Variants in ARHGEF3 observed in about 807,000 individuals in gnomAD.
ARHGEF3 encodes Rho guanine nucleotide exchange factor 3.
In ARHGEF3, 28 loss-of-function variants were observed where a neutral mutation model predicts 63.2. The observed-to-expected ratio is 0.44, with a 90% CI of 0.33 to 0.61. ARHGEF3 has a LOEUF of 0.61. ARHGEF3 is among the 20% of genes least tolerant of loss of function. The probability of loss-of-function intolerance (pLI) is 0.03; values close to 1 mark genes in which losing one functional copy is unlikely to be tolerated. For missense variants in ARHGEF3, 533 were observed against 659.3 expected, an observed-to-expected ratio of 0.81 and a Z score of 2.10; for synonymous variants, 266 against 254.2, an observed-to-expected ratio of 1.05 and a Z score of -0.44.
chr3:56,947,195 G>A (rs371745821), intron 3 of ARHGEF3, among the ~76,000 whole-genome samples: 4 of 152,262 alleles, frequency 2.6e-5, no homozygotes, highest in East Asian at 1.9e-4. Flanking sequence ...AAAGACCATC[G>A]AGGCTAGGAA....
At chr3:56,752,124 T>C (rs2034800508) in intron 4 of ARHGEF3, among the ~76,000 whole-genome samples, 1 of 152,028 alleles carries the variant, frequency 6.6e-6, no homozygotes, top group Non-Finnish European at 1.5e-5. Context: ...GGTTTCACCA[T>C]GTTGGCCAGG....
At chr3:56,856,935 C>T (rs2039907445) in intron 4 of ARHGEF3, among the ~76,000 whole-genome samples, 1 of 152,126 alleles carries the variant, frequency 6.6e-6, no homozygotes, top group Non-Finnish European at 1.5e-5. Context: ...CCCTGGCACA[C>T]ACTCTCCATT....
chr3:56,820,990 CAA>C (rs3034858), intron 4 of ARHGEF3, among the ~76,000 whole-genome samples: 3 of 131,900 alleles, frequency 2.3e-5, no homozygotes, highest in African/African-American at 5.6e-5. Context: ...TCCACCTCTA[CAA>C]AAAAAAAAAA....
chr3:57,019,956 TG>T (rs1314258864), intron 2 of ARHGEF3, among the ~76,000 whole-genome samples: 21 of 152,264 alleles, frequency 1.4e-4, no homozygotes, highest in Non-Finnish European at 2.8e-4. Flanking sequence ...TGGAGTACAA[TG>T]GTGCAATCTC....
Position 56,801,929 on chromosome 3 carries a change from C to A in ARHGEF3, c.-131G>T, listed in dbSNP as rs779405412. 9.1e-6 allele frequency: 14 copies of A among 1,534,252 alleles called. No homozygotes were observed. The highest frequency in any genetic ancestry group is 1.2e-5 in the Non-Finnish European group (14 of 1,142,576). On this transcript the variant is annotated 5_prime_UTR_variant, in exon 1 of 10. Transcript: ENST00000296315. ...CGACACGGAGACCGACAGCCGGCTT[C>A]TAGCCGGGCAGGACTCGACTGGGCT...
intron 1 of ARHGEF3, among the ~76,000 whole-genome samples, chr3:57,056,142 C>T (rs960616589): frequency 6.6e-6 from 1 of 151,974 alleles, no homozygotes; most frequent in Non-Finnish European, 1.5e-5. Context: ...AATCCTAGAA[C>T]TTTGGGAGGC....
intron 2 of ARHGEF3, among the ~76,000 whole-genome samples, chr3:56,967,592 AATTATAT>A (rs1431070509): frequency 1.1e-5 from 1 of 87,050 alleles, no homozygotes; most frequent in African/African-American, 4.6e-5. Flanking sequence ...TAATATATTT[AATTATAT>A]ATTATATATG....
At chr3:56,943,455 A>G (rs1369536198) in intron 3 of ARHGEF3, among the ~76,000 whole-genome samples, 1 of 152,188 alleles carries the variant, frequency 6.6e-6, no homozygotes, top group Non-Finnish European at 1.5e-5. Context: ...AAAAAAGATT[A>G]CTTTTAAAAT....
chr3:56,740,283 C>T (rs919183729), intron 7 of ARHGEF3, among the ~76,000 whole-genome samples: 1 of 151,444 alleles, frequency 6.6e-6, no homozygotes, highest in Admixed American at 6.6e-5. Context: ...AAAAAAAAAC[C>T]CTTATTTTAA....
At chr3:56,907,785 A>G (rs1192453980) in intron 3 of ARHGEF3, among the ~76,000 whole-genome samples, 1 of 152,230 alleles carries the variant, frequency 6.6e-6, no homozygotes, top group Non-Finnish European at 1.5e-5. Flanking sequence ...CAAATACTGT[A>G]TGTTCTCACC....
At chr3:56,779,662 A>C (rs931174033) in intron 1 of ARHGEF3, among the ~76,000 whole-genome samples, 1 of 151,798 alleles carries the variant, frequency 6.6e-6, no homozygotes, top group African/African-American at 2.4e-5. Flanking sequence ...AAATGGCCCC[A>C]CTCCACCCAG....
intron 2 of ARHGEF3, among the ~76,000 whole-genome samples, chr3:56,963,638 CCTCT>C (rs1338505929): frequency 6.6e-6 from 1 of 152,138 alleles, no homozygotes; most frequent in African/African-American, 2.4e-5. Flanking sequence ...TCTCGTTTTA[CCTCT>C]CTTTATCCAT....
intron 1 of ARHGEF3, among the ~76,000 whole-genome samples, chr3:56,797,032 T>C (rs1319845766): frequency 1.3e-5 from 2 of 152,218 alleles, no homozygotes; most frequent in Non-Finnish European, 2.9e-5. Flanking sequence ...ATGACATTTT[T>C]TGAGCACTTA....
chr3:56,856,309 G>C (rs1012270554), intron 4 of ARHGEF3, among the ~76,000 whole-genome samples: 4 of 152,212 alleles, frequency 2.6e-5, no homozygotes, highest in Admixed American at 2.6e-4. Context: ...TAAGGACAGT[G>C]AGTCAACATT....
chr3:56,964,566 T>C (rs1166471282), intron 2 of ARHGEF3, among the ~76,000 whole-genome samples: 2 of 152,330 alleles, frequency 1.3e-5, no homozygotes, highest in East Asian at 3.9e-4. Flanking sequence ...ATGTCAGGCA[T>C]GGTGCCAGAC....
chr3:56,812,298 C>A (rs962019030), intron 4 of ARHGEF3, among the ~76,000 whole-genome samples: 2 of 152,156 alleles, frequency 1.3e-5, no homozygotes, highest in African/African-American at 4.8e-5. Context: ...TAATGTTTAG[C>A]TTCTTGAAGA....
chr3:56,975,466 G>T (rs1430056815), intron 2 of ARHGEF3, among the ~76,000 whole-genome samples: 1 of 152,150 alleles, frequency 6.6e-6, no homozygotes, highest in Non-Finnish European at 1.5e-5. Flanking sequence ...AGTGCTTACA[G>T]AGGGCTCACT....
At chr3:56,760,793 T>C (rs1159935877) in intron 2 of ARHGEF3, among the ~76,000 whole-genome samples, 2 of 152,198 alleles carry the variant, frequency 1.3e-5, no homozygotes, top group Non-Finnish European at 2.9e-5. Flanking sequence ...CTTCTAGGAA[T>C]ATAAATCTAC....
chr3:56,736,441 G>A (rs1443234089), intron 8 of ARHGEF3, among the ~76,000 whole-genome samples: 1 of 152,208 alleles, frequency 6.6e-6, no homozygotes, highest in Non-Finnish European at 1.5e-5. Context: ...ATAGAAGATA[G>A]GTTGTTATTT....
Sources: gnomAD v4.1 joint callset for allele counts (sites outside exome capture counted in the v4.1 genomes callset) on GRCh38, gnomAD v4.1.1 for gene constraint, MANE v1.5 for transcripts, NCBI Gene and HGNC (gene_info 2026-07-23, HGNC 2026-07-21) for gene names.